Variants in SMIM14 observed in about 807,000 individuals in gnomAD.
SMIM14 encodes the protein chromosome 4 open reading frame 34.
Under a neutral mutation model 12.6 loss-of-function variants are expected in SMIM14, and 5 were observed. The observed-to-expected ratio is 0.40, with a 90% CI of 0.21 to 0.83. The LOEUF (loss-of-function observed/expected upper bound fraction) is 0.83, where lower values mean the gene tolerates loss of function less well. SMIM14 is among the 40% of genes least tolerant of loss of function. The pLI is 0.37. For missense variants in SMIM14, 86 were observed against 119.1 expected, an observed-to-expected ratio of 0.72 and a Z score of 1.29; for synonymous variants, 30 against 40.1, an observed-to-expected ratio of 0.75 and a Z score of 0.95.
chr4:39,603,621 T>A (rs1029253347), intron 2 of SMIM14, among the ~76,000 whole-genome samples: 5 of 152,106 alleles, frequency 3.3e-5, no homozygotes, highest in Non-Finnish European at 7.4e-5. Flanking sequence ...GCCCTGTATT[T>A]AAGCTTATAG....
At chr4:39,577,747 A>G (rs986652491) in intron 2 of SMIM14, among the ~76,000 whole-genome samples, 3 of 152,130 alleles carry the variant, frequency 2.0e-5, no homozygotes, top group African/African-American at 7.2e-5. Context: ...TTTAAATGAA[A>G]AATGAGTGCC....
intron 3 of SMIM14, among the ~76,000 whole-genome samples, chr4:39,569,376 TA>T (rs1415751215): frequency 6.6e-5 from 10 of 152,226 alleles, no homozygotes; most frequent in Non-Finnish European, 1.3e-4. Context: ...AATCATAATG[TA>T]TAACAAGTCT....
rs543248506 is a variant in SMIM14 at position 39,560,552 on chromosome 4, C to T, written c.125-3982G>A. Among the ~76,000 whole-genome samples, 19 of 151,530 alleles carry T rather than the reference C, an allele frequency of 1.3e-4. No homozygotes were observed. The South Asian group carries it at 1.9e-3, about 15-fold the overall frequency. On this transcript the variant is annotated intron_variant, in intron 3 of 4. Coordinates refer to ENST00000295958, the MANE Select transcript of SMIM14 (RefSeq NM_174921.3). ...TAAAAATGCAGAAATCCAGGAAGCACGAGGTCAAGAGATCACCCGTGAAGC... is the reference window on the plus strand; with the variant it reads ...TAAAAATGCAGAAATCCAGGAAGCATGAGGTCAAGAGATCACCCGTGAAGC...
chr4:39,610,370 C>T (rs1331251675), intron 1 of SMIM14, among the ~76,000 whole-genome samples: 1 of 152,032 alleles, frequency 6.6e-6, no homozygotes, highest in Non-Finnish European at 1.5e-5. Context: ...CAAATTGACC[C>T]ATGATTTTAC....
At position 39,638,853 on chromosome 4, in the gene SMIM14, G is replaced by T; in HGVS notation, c.-150C>A. 1.0e-6 allele frequency: 1 copy of T among 985,788 alleles called. No individual in the cohort carries two copies. Among genetic ancestry groups the T allele is most frequent in the Non-Finnish European group, 1.2e-6 (1 of 830,224 alleles). The allele number at this position is 985,788 out of a possible 1,614,324, so 61.1% of individuals were successfully genotyped here. ...GGCTGCTCCGGACGCTGCTGCCACT[G>T]CCGTTTCTGGCCGCCGGCTTCCTCC... On this transcript the variant is annotated 5_prime_UTR_variant, in exon 1 of 5. Coordinates refer to ENST00000295958, the MANE Select transcript of SMIM14 (RefSeq NM_174921.3).
chr4:39,565,698 TGAAAAAC>T (rs2109997181), intron 3 of SMIM14, among the ~76,000 whole-genome samples: 1 of 152,254 alleles, frequency 6.6e-6, no homozygotes, highest in South Asian at 2.1e-4. Flanking sequence ...TGTTGTGTTT[TGAAAAAC>T]GAGAAACAGA....
In SMIM14 at chr4:39,563,555, C is replaced by T. The variant is rs1037938274; in HGVS notation, c.125-6985G>A. ...ATCTGATGCAACAGTTGAATGCGAACTTGTCTGGCAGCATTTGCCAACTAT... is the reference window on the plus strand; with the variant it reads ...ATCTGATGCAACAGTTGAATGCGAATTTGTCTGGCAGCATTTGCCAACTAT... On this transcript the variant is annotated intron_variant, in intron 3 of 4. Transcript: ENST00000295958. Among the ~76,000 whole-genome samples, 3 of 152,218 alleles carry T rather than the reference C, an allele frequency of 2.0e-5. No homozygotes were observed. The South Asian group carries it at 6.2e-4, about 32-fold the overall frequency.
intron 1 of SMIM14, chr4:39,621,173 G>C (rs1394762557): frequency 6.6e-6 from 1 of 151,994 alleles, no homozygotes; most frequent in African/African-American, 2.4e-5. Flanking sequence ...TTGATCTTCA[G>C]GGAAGGACCC....
intron 2 of SMIM14, among the ~76,000 whole-genome samples, chr4:39,596,934 C>T (rs182856984): frequency 1.3e-5 from 2 of 152,164 alleles, no homozygotes; most frequent in Admixed American, 6.6e-5. Context: ...TGCCAAGATG[C>T]CCCGCTAATT....
At chr4:39,597,302 A>G (rs775795700) in intron 2 of SMIM14, among the ~76,000 whole-genome samples, 19 of 152,040 alleles carry the variant, frequency 1.2e-4, no homozygotes, top group Non-Finnish European at 2.2e-4. Context: ...AGAAAAATAT[A>G]ATTTTCAGAT....
intron 2 of SMIM14, among the ~76,000 whole-genome samples, chr4:39,602,647 C>T (rs1220529148): frequency 6.6e-6 from 1 of 152,098 alleles, no homozygotes; most frequent in Non-Finnish European, 1.5e-5. Context: ...CAAATATTCT[C>T]TCCTTAGACT....
At chr4:39,592,639 T>TA (rs1392802638) in intron 2 of SMIM14, 1 of 152,100 alleles carries the variant, frequency 6.6e-6, no homozygotes, top group Non-Finnish European at 1.5e-5. Flanking sequence ...TCAAATCATA[T>TA]AACTATGGTG....
chr4:39,607,687 G>A (rs922384102), intron 1 of SMIM14, among the ~76,000 whole-genome samples: 5 of 152,102 alleles, frequency 3.3e-5, no homozygotes, highest in African/African-American at 1.2e-4. Context: ...TAATCTAAAT[G>A]TTTTTTAAAT....
intron 1 of SMIM14, among the ~76,000 whole-genome samples, chr4:39,619,610 A>G (rs1168709224): frequency 2.3e-5 from 2 of 87,456 alleles, no homozygotes; most frequent in African/African-American, 1.1e-4. Flanking sequence ...TATTCTATAT[A>G]TCAATAAATA....
rs918140787 is a variant in SMIM14 at position 39,576,225 on chromosome 4, C to T, written c.76-3762G>A. The stretch of plus-strand genomic sequence containing the variant: ...TTTTTTTCTTTCTTTTTATATAACA[C>T]GTTCTACAAAGCTTCTGGAATGAAC... On this transcript the variant is annotated intron_variant, in intron 2 of 4. Transcript: ENST00000295958. Among the ~76,000 whole-genome samples, 5 of 150,888 alleles carry T rather than the reference C, an allele frequency of 3.3e-5. No homozygotes were observed. The South Asian group carries it at 8.4e-4, about 25-fold the overall frequency.
intron 3 of SMIM14, among the ~76,000 whole-genome samples, chr4:39,559,691 G>A (rs1049822619): frequency 2.0e-5 from 3 of 152,084 alleles, no homozygotes; most frequent in South Asian, 2.1e-4. Flanking sequence ...TAAGAGTTGC[G>A]CTGGCCCTGC....
At chr4:39,632,958 T>G (rs912493721) in intron 1 of SMIM14, among the ~76,000 whole-genome samples, 1 of 152,120 alleles carries the variant, frequency 6.6e-6, no homozygotes, top group South Asian at 2.1e-4. Context: ...TGTATATATA[T>G]ATATATGCTA....
intron 3 of SMIM14, among the ~76,000 whole-genome samples, chr4:39,569,664 G>T (rs1159233789): frequency 6.6e-6 from 1 of 152,028 alleles, no homozygotes; most frequent in African/African-American, 2.4e-5. Context: ...CTGAACCTGG[G>T]TGGCGGAGGT....
intron 2 of SMIM14, among the ~76,000 whole-genome samples, chr4:39,595,689 A>G (rs1421570306): frequency 6.6e-6 from 1 of 150,624 alleles, no homozygotes; most frequent in East Asian, 1.9e-4. Context: ...GCTCACTTCA[A>G]CCTCTGCCTC....
Sources: gnomAD v4.1 joint callset for allele counts (sites outside exome capture counted in the v4.1 genomes callset) on GRCh38, gnomAD v4.1.1 for gene constraint, MANE v1.5 for transcripts, NCBI Gene and HGNC (gene_info 2026-07-23, HGNC 2026-07-21) for gene names.